Variants in FADS3 observed in about 807,000 individuals in gnomAD.
The protein encoded by FADS3 is cytochrome b5-related protein.
Under a neutral mutation model 60.4 loss-of-function variants are expected in FADS3, and 30 were observed. The observed-to-expected ratio is 0.50, with a 90% CI of 0.37 to 0.67. FADS3 has a LOEUF of 0.67. Among genes scored for constraint, FADS3 ranks in the 30% least tolerant of loss-of-function variants. The pLI is 0.00. For synonymous variants in FADS3, 234 were observed against 249.3 expected, an observed-to-expected ratio of 0.94 and a Z score of 0.58; for missense variants, 432 against 598.3, an observed-to-expected ratio of 0.72 and a Z score of 2.90.
chr11:61,888,660 G>T (rs1378259058), intron 1 of FADS3, among the ~76,000 whole-genome samples: 1 of 152,158 alleles, frequency 6.6e-6, no homozygotes, highest in African/African-American at 2.4e-5. Context: ...AGTTTGCAGG[G>T]CACGCTCACA....
rs746313334 is a variant in FADS3, at chr11:61,876,378, C to T, written c.1061G>A (p.Arg354Gln). The T allele has an allele frequency of 7.4e-6, 12 of 1,613,152 alleles. No homozygotes were observed. The highest frequency in any genetic ancestry group is 3.3e-5 in the South Asian group (3 of 91,082). Residue 354 changes from arginine (R) to glutamine (Q), a missense_variant, in exon 9 of 12, where the codon CGG becomes CAG. This residue lies in a region of FADS3 where 48 missense variants were observed against 101.3 expected (regional missense o/e 0.47). Coordinates refer to ENST00000278829, the MANE Select transcript of FADS3 (RefSeq NM_021727.5). This position sits in a 1 kb window ranked among gnomAD's most constrained non-coding sequence, Gnocchi z 5.7. ...GCCCACCTGAGAGCTGACCCAGTCC[C>T]GGTGCTTCTCGTGGCCGATCTCCTT... is the stretch of plus-strand genomic sequence containing the variant. ...IPKEIGHEKH[R>Q]DWVSSQLAAT...
At chr11:61,875,724 GA>G in intron 11 of FADS3, 126 bp downstream of exon 11, 1 of 1,140,384 alleles carries the variant, frequency 8.8e-7, no homozygotes, top group South Asian at 1.5e-5. Context: ...GGGAAGGGAG[GA>G]AGGGCATGGG....
intron 2 of FADS3, 90 bp downstream of exon 2, chr11:61,879,951 G>T: frequency 9.5e-7 from 1 of 1,052,930 alleles, no homozygotes; most frequent in Non-Finnish European, 1.4e-6. Flanking sequence ...AATGCCGAGG[G>T]AGCTGCTCCT....
At chr11:61,887,013 C>T (rs753332463) in intron 1 of FADS3, among the ~76,000 whole-genome samples, 7 of 152,250 alleles carry the variant, frequency 4.6e-5, no homozygotes, top group Admixed American at 6.5e-5. Context: ...ACTCCTCATC[C>T]GCCCTGAGTT....
intron 1 of FADS3, among the ~76,000 whole-genome samples, chr11:61,887,279 G>A (rs1423975717): frequency 6.6e-6 from 1 of 152,190 alleles, no homozygotes; most frequent in African/African-American, 2.4e-5. Context: ...CTGGACCAGT[G>A]TGCCTGTGTC....
Position 61,876,333 on chromosome 11 carries a change from G to A in FADS3, c.1080+26C>T. ...TAGCTGGGACCCCCCACCCCACCCA[G>A]GATGGGCCCCACCCCTGCTGCCCAC... On this transcript the variant is annotated intron_variant, in intron 9 of 11. Coordinates refer to ENST00000278829, the MANE Select transcript of FADS3 (RefSeq NM_021727.5). The surrounding 1 kb of genome is among the most constrained non-coding windows in gnomAD (Gnocchi z 5.7). 1 of 1,567,678 alleles carries A rather than the reference G, an allele frequency of 6.4e-7. No homozygotes were observed. Among genetic ancestry groups the A allele is most frequent in the Non-Finnish European group, 8.8e-7 (1 of 1,141,112 alleles).
chr11:61,873,597 C>G lies in FADS3; in HGVS notation c.*217G>C. 1 of 582,834 alleles carries G rather than the reference C, an allele frequency of 1.7e-6. No homozygotes were observed. Among genetic ancestry groups the G allele is most frequent in the African/African-American group, 1.9e-5 (1 of 52,762 alleles). 36.1% of individuals were successfully genotyped at this position (582,834 alleles called of 1,614,324 possible). A position where few individuals can be genotyped will look rare whatever the true frequency, so the allele number is the denominator to read the frequency against. On this transcript the variant is annotated 3_prime_UTR_variant, in exon 12 of 12. Transcript: ENST00000278829. ...TCTCGCTCTAGGAAAATGTGCTATG[C>G]TCACCTTCCCTCTACCCCTGTCCCA...
chr11:61,887,772 A>C (rs904736713), intron 1 of FADS3, among the ~76,000 whole-genome samples: 4 of 152,208 alleles, frequency 2.6e-5, no homozygotes, highest in Non-Finnish European at 4.4e-5. Flanking sequence ...AATGAGTCAA[A>C]CATTGAAGAA....
Position 61,876,599 on chromosome 11 carries a change from T to A in FADS3, c.984-144A>T. Reference sequence around the variant, plus strand: ...TGGCCATCGCCCCCTTGCCAGTGTTTAAAGAATCTGAATGGAGCAGTGTCC... The same window carrying A: ...TGGCCATCGCCCCCTTGCCAGTGTTAAAAGAATCTGAATGGAGCAGTGTCC... On this transcript the variant is annotated intron_variant, in intron 8 of 11. Coordinates refer to ENST00000278829, the MANE Select transcript of FADS3 (RefSeq NM_021727.5). This position sits in a 1 kb window ranked among gnomAD's most constrained non-coding sequence, Gnocchi z 5.7. 1 of 720,186 alleles carries A rather than the reference T, an allele frequency of 1.4e-6. No homozygotes were observed. The highest frequency in any genetic ancestry group is 2.4e-6 in the Non-Finnish European group (1 of 413,176). 44.6% of individuals were successfully genotyped at this position (720,186 alleles called of 1,614,324 possible).
chr11:61,876,656 A>G lies in FADS3; in HGVS notation c.984-201T>C, dbSNP rs1228989876. On this transcript the variant is annotated intron_variant, in intron 8 of 11. Coordinates refer to ENST00000278829, the MANE Select transcript of FADS3 (RefSeq NM_021727.5). The surrounding 1 kb of genome is among the most constrained non-coding windows in gnomAD (Gnocchi z 5.7). Reference sequence around the variant, plus strand: ...AGGCTGAGTCCAGAGCAGCTCCGACACCCACCGGGCCACTTACAAGCCAGG... The same window carrying G: ...AGGCTGAGTCCAGAGCAGCTCCGACGCCCACCGGGCCACTTACAAGCCAGG... The G allele has an allele frequency of 2.1e-5, 14 of 655,204 alleles. No homozygotes were observed. Among genetic ancestry groups the G allele is most frequent in the African/African-American group, 3.6e-5 (2 of 55,674 alleles). 40.6% of individuals were successfully genotyped at this position (655,204 alleles called of 1,614,324 possible).
In FADS3 at chr11:61,876,756, A is replaced by G. The variant is rs896648879; in HGVS notation, c.983+110T>C. 3 of 889,224 alleles carry G rather than the reference A, an allele frequency of 3.4e-6. No homozygotes were observed. In the African/African-American group the frequency reaches 5.0e-5, roughly 15 times the overall value. The allele number at this position is 889,224 out of a possible 1,614,324, so 55.1% of individuals were successfully genotyped here. Reference sequence around the variant, plus strand: ...ATGTGATTCCACCAGCAAGCCAGGGAGGCAGTACCACTGGCCCCATTCTGC... The same window carrying G: ...ATGTGATTCCACCAGCAAGCCAGGGGGGCAGTACCACTGGCCCCATTCTGC... On this transcript the variant is annotated intron_variant, in intron 8 of 11. Coordinates refer to ENST00000278829, the MANE Select transcript of FADS3 (RefSeq NM_021727.5). This position sits in a 1 kb window ranked among gnomAD's most constrained non-coding sequence, Gnocchi z 5.7.
intron 5 of FADS3, 135 bp from the exon 6 acceptor site, chr11:61,878,350 C>A: frequency 8.0e-6 from 11 of 1,369,448 alleles, no homozygotes; most frequent in Non-Finnish European, 1.0e-5. Flanking sequence ...TCGTCCCCAG[C>A]AGGTTGGGAG....
intron 11 of FADS3, among the ~76,000 whole-genome samples, chr11:61,874,709 T>A (rs1195179185): frequency 3.3e-5 from 5 of 152,076 alleles, no homozygotes; most frequent in African/African-American, 1.2e-4. Flanking sequence ...TTGCCAGATG[T>A]CCCTGTGGCG....
chr11:61,887,456 C>T (rs557983079), intron 1 of FADS3, among the ~76,000 whole-genome samples: 8 of 152,312 alleles, frequency 5.3e-5, no homozygotes, highest in Middle Eastern at 6.8e-3. Context: ...CCCCAGGCTT[C>T]CCTGCTGTGC....
chr11:61,878,473 A>G (rs1032388492), intron 5 of FADS3, 39 bp downstream of exon 5: 3 of 1,603,678 alleles, frequency 1.9e-6, no homozygotes, highest in Non-Finnish European at 2.6e-6. Context: ...CCTCAGCTGC[A>G]GGCCCAGCCA....
Position 61,879,528 on chromosome 11 carries a change from C to G in FADS3, c.325-19G>C, listed in dbSNP as rs537351047. ...GCTGCGCCTGCCATAGCAGAGGGGC[C>G]GATCAGCCAAGGAAGAAATTCCTCC... On this transcript the variant is annotated intron_variant, in intron 2 of 11. Coordinates refer to ENST00000278829, the MANE Select transcript of FADS3 (RefSeq NM_021727.5). The G allele has an allele frequency of 1.3e-6, 2 of 1,579,342 alleles. No homozygotes were observed. Among genetic ancestry groups the G allele is most frequent in the East Asian group, 4.6e-5 (2 of 43,708 alleles).
Position 61,877,512 on chromosome 11 carries a change from G to A in FADS3, c.884C>T (p.Ala295Val), listed in dbSNP as rs760095252. The A allele has an allele frequency of 4.3e-6, 7 of 1,612,914 alleles. No homozygotes were observed. Among genetic ancestry groups the A allele is most frequent in the Admixed American group, 1.7e-5 (1 of 60,016 alleles). Residue 295 changes from alanine to valine, a missense_variant and splice_region_variant, in exon 7 of 12, where the codon GCG becomes GTG. Physicochemically the swap from Ala to Val is moderately conservative, Grantham distance 64 (BLOSUM62 0). Transcript: ENST00000278829. The surrounding 1 kb of genome is among the most constrained non-coding windows in gnomAD (Gnocchi z 4.7). ...LAYMLVCMQWADLLWAASFYA... is the reference protein window; with the variant it reads ...LAYMLVCMQWVDLLWAASFYA... ...GGGGTCCTGGGCAACCCCACTCACC[G>A]CCCACTGCATGCACACCAGCATGTA... is the stretch of plus-strand genomic sequence containing the variant.
Position 61,877,600 on chromosome 11 carries a change from G to GCCCCTGAACA in FADS3, c.809-14_809-13insTGTTCAGGGG. ...AGCGGCGGGCCGACTGCAAGAAGGG[G>GCCCCTGAACA]CATGAGAGTGTTCAGGAGTGGGGCT... On this transcript the variant is annotated splice_polypyrimidine_tract_variant and intron_variant, in intron 6 of 11. Coordinates refer to ENST00000278829, the MANE Select transcript of FADS3 (RefSeq NM_021727.5). The surrounding 1 kb of genome is among the most constrained non-coding windows in gnomAD (Gnocchi z 4.7). 2 of 1,612,878 alleles carry GCCCCTGAACA rather than the reference G, an allele frequency of 1.2e-6. No individual in the cohort carries two copies. The highest frequency in any genetic ancestry group is 1.7e-6 in the Non-Finnish European group (2 of 1,179,690).
chr11:61,886,537 G>A (rs1256980882), intron 1 of FADS3, among the ~76,000 whole-genome samples: 1 of 152,034 alleles, frequency 6.6e-6, no homozygotes, highest in East Asian at 1.9e-4. Context: ...TGGCTCTGGA[G>A]CCACCCCCCA....
Sources: allele counts gnomAD v4.1 joint callset (sites outside exome capture counted in the v4.1 genomes callset), GRCh38; gene constraint gnomAD v4.1.1; regional missense constraint gnomAD v4.1.1; non-coding constraint Gnocchi (gnomAD v3.1); transcripts MANE v1.5; gene names NCBI Gene and HGNC (gene_info 2026-07-23, HGNC 2026-07-21).